The following ZFYVE16 variants were observed in gnomAD, a reference collection of about 807,000 sequenced individuals.
ZFYVE16 encodes the protein zinc finger FYVE domain-containing protein 16.
A neutral mutation model predicts 138.1 loss-of-function variants in ZFYVE16; 89 were observed. That is an observed-to-expected ratio of 0.64 (90% CI 0.54 to 0.77). The LOEUF (loss-of-function observed/expected upper bound fraction) is 0.77. Among genes scored for constraint, ZFYVE16 ranks in the 30% least tolerant of loss-of-function variants. The pLI, the probability that ZFYVE16 is intolerant of heterozygous loss-of-function variation, is 0.00. For missense variants in ZFYVE16, 1,793 were observed against 1,786.7 expected (o/e 1.00, Z -0.06); for synonymous variants, 596 against 618.3 (o/e 0.96, Z 0.53).
intron 7 of ZFYVE16, among the ~76,000 whole-genome samples, chr5:80,446,595 C>A (rs1240709204): frequency 2.6e-5 from 4 of 152,020 alleles, no homozygotes; most frequent in African/African-American, 9.7e-5. Flanking sequence ...ATTCTAGGAC[C>A]TCACCAATTC....
At position 80,461,721 on chromosome 5, in the gene ZFYVE16, A is replaced by G. The variant is rs533147981; in HGVS notation, c.4024+2227A>G. ...CTGGGTGTGGTGGGTCACACCTGTA[A>G]TCCCAGCTCTTAGGGAGGCTGAGGC... On this transcript the variant is annotated intron_variant, in intron 15 of 18. Coordinates refer to ENST00000505560, the MANE Select transcript of ZFYVE16 (RefSeq NM_001284236.3). Among the ~76,000 whole-genome samples the G allele has an allele frequency of 5.3e-5, 8 of 152,244 alleles. No individual in the cohort carries two copies. In the East Asian group the frequency reaches 1.5e-3, roughly 29 times the overall value.
intron 15 of ZFYVE16, among the ~76,000 whole-genome samples, chr5:80,468,061 G>A (rs756378207): frequency 1.4e-4 from 21 of 152,136 alleles, no homozygotes; most frequent in Non-Finnish European, 2.8e-4. Context: ...GCACCCATAT[G>A]CTTTATTCTT....
At chr5:80,474,997 C>A (rs1215793722) in intron 18 of ZFYVE16, among the ~76,000 whole-genome samples, 167 bp downstream of exon 18, 1 of 152,206 alleles carries the variant, frequency 6.6e-6, no homozygotes, top group Non-Finnish European at 1.5e-5. Context: ...CAACAGGGGT[C>A]AGCAAACTGT....
intron 3 of ZFYVE16, 81 bp from the exon 4 acceptor site, chr5:80,436,675 T>G: frequency 1.6e-6 from 2 of 1,262,464 alleles, no homozygotes. Flanking sequence ...GTATTTAGTT[T>G]AGAAGTCTTG....
intron 15 of ZFYVE16, among the ~76,000 whole-genome samples, chr5:80,463,401 AG>A (rs1753345442): frequency 6.6e-6 from 1 of 152,084 alleles, no homozygotes; most frequent in African/African-American, 2.4e-5. Context: ...TGGCCCCTTT[AG>A]CCACGAGTGG....
chr5:80,448,025 G>T lies in ZFYVE16; in HGVS notation c.2725-1G>T. ...TATTTTTTTTATTACATATTTTACA[G>T]ACAGTAAACACAGTGGATCATTCCC... On this transcript the variant is annotated splice_acceptor_variant, in intron 7 of 18. Transcript: ENST00000505560. LOFTEE classifies it high-confidence loss of function. 6.4e-7 allele frequency: 1 copy of T among 1,567,344 alleles called. No individual in the cohort carries two copies. The highest frequency in any genetic ancestry group is 8.6e-7 in the Non-Finnish European group (1 of 1,158,672).
At chr5:80,450,628 T>C (rs1343512129) in intron 10 of ZFYVE16, 42 bp downstream of exon 10, 12 of 1,577,064 alleles carry the variant, frequency 7.6e-6, no homozygotes, top group Non-Finnish European at 1.0e-5. Flanking sequence ...GGGGAATGGA[T>C]AAATTAGTTA....
At position 80,449,645 on chromosome 5, in the gene ZFYVE16, G is replaced by T. The variant is rs1443874637; in HGVS notation, c.3158G>T (p.Gly1053Val). Reference sequence around the variant, plus strand: ...GAGCAGATCATTTTGCTTCTTGAAGGTGAAAGCTTTCATCCTGTTACATTT... The same window carrying T: ...GAGCAGATCATTTTGCTTCTTGAAGTTGAAAGCTTTCATCCTGTTACATTT... ...SHEQIILLLE[G>V]ESFHPVTFVL... is the part of the protein sequence containing the mutation. The change falls in exon 9 of 19, where the codon GGT (glycine) becomes GTT (valine). Residue 1053 changes from glycine to valine, a missense_variant. Physicochemically the swap from Gly to Val is moderately radical, Grantham distance 109. This residue lies in a region of ZFYVE16 where 498 missense variants were observed against 582.4 expected (regional missense o/e 0.86). Transcript: ENST00000505560. The T allele has an allele frequency of 2.5e-6, 4 of 1,611,092 alleles. No homozygotes were observed. In the Admixed American group the frequency reaches 6.7e-5, roughly 27 times the overall value.
chr5:80,468,676 A>T (rs1196046717), intron 15 of ZFYVE16, among the ~76,000 whole-genome samples: 1 of 152,168 alleles, frequency 6.6e-6, no homozygotes, highest in Non-Finnish European at 1.5e-5. Flanking sequence ...TTTACCTTAT[A>T]GATTTTATTG....
chr5:80,445,190 T>C, intron 6 of ZFYVE16, 73 bp from the exon 7 acceptor site: 1 of 1,542,078 alleles, frequency 6.5e-7, no homozygotes, highest in South Asian at 1.2e-5. Flanking sequence ...TGAAAACATT[T>C]CACAATCTTT....
chr5:80,452,892 A>G (rs1355846894), intron 11 of ZFYVE16, among the ~76,000 whole-genome samples: 2 of 152,154 alleles, frequency 1.3e-5, no homozygotes, highest in African/African-American at 4.8e-5. Context: ...TGATGTTTAT[A>G]TATATGCTTA....
At chr5:80,424,111 A>C (rs1349448052) in intron 1 of ZFYVE16, among the ~76,000 whole-genome samples, 3 of 149,190 alleles carry the variant, frequency 2.0e-5, no homozygotes, top group Non-Finnish European at 4.5e-5. Context: ...ATGCCCAGCT[A>C]ATTTTTGTAT....
intron 1 of ZFYVE16, chr5:80,411,518 A>G (rs1745458093): frequency 1.3e-5 from 2 of 152,096 alleles, no homozygotes; most frequent in Non-Finnish European, 1.5e-5. Context: ...TATATATTGG[A>G]TATTTTTCTA....
At chr5:80,446,958 A>C (rs1751421235) in intron 7 of ZFYVE16, among the ~76,000 whole-genome samples, 1 of 151,996 alleles carries the variant, frequency 6.6e-6, no homozygotes, top group Non-Finnish European at 1.5e-5. Context: ...CTGGGTACGT[A>C]TATTAGAAAA....
chr5:80,435,885 TA>T (rs1580202839), intron 3 of ZFYVE16: 1 of 206,354 alleles, frequency 4.8e-6, no homozygotes, highest in Admixed American at 6.1e-5. Flanking sequence ...ACAACTAAGT[TA>T]TTTTTTTGAG....
At chr5:80,468,930 A>G (rs1754008313) in intron 15 of ZFYVE16, among the ~76,000 whole-genome samples, 1 of 152,092 alleles carries the variant, frequency 6.6e-6, no homozygotes, top group South Asian at 2.1e-4. Context: ...TCCTAATATA[A>G]TAGAAGCAAT....
intron 18 of ZFYVE16, among the ~76,000 whole-genome samples, chr5:80,476,523 A>G: frequency 6.6e-6 from 1 of 152,190 alleles, no homozygotes; most frequent in Non-Finnish European, 1.5e-5. Flanking sequence ...GCATGTAAAA[A>G]CAATTTGTTT....
rs1195205967 is a variant in ZFYVE16, at chr5:80,437,270, A to G, written c.585A>G (p.Glu195=). The change falls in exon 4 of 19, where the codon GAA becomes GAG. Residue 195 remains glutamate (E), a synonymous_variant. Transcript: ENST00000505560. ...AACAACAGAATGATATCAGTTCTGA[A>G]TTACAAAATAGAGAAATCGGAGGAA... ...VREQQNDISS[E]LQNREIGGIK... is the part of the protein sequence containing the mutation. 6.2e-7 allele frequency: 1 copy of G among 1,611,490 alleles called. No individual in the cohort carries two copies. The highest frequency in any genetic ancestry group is 8.5e-7 in the Non-Finnish European group (1 of 1,178,634).
At chr5:80,463,814 G>A (rs1022577038) in intron 15 of ZFYVE16, among the ~76,000 whole-genome samples, 1 of 152,018 alleles carries the variant, frequency 6.6e-6, no homozygotes, top group Non-Finnish European at 1.5e-5. Context: ...AATTTCTTCC[G>A]CCAGATACCC....
Sources: gnomAD v4.1 joint callset for allele counts (sites outside exome capture counted in the v4.1 genomes callset) on GRCh38, gnomAD v4.1.1 for gene constraint, gnomAD v4.1.1 regional missense constraint, MANE v1.5 for transcripts, NCBI Gene and HGNC (gene_info 2026-07-23, HGNC 2026-07-21) for gene names.